Variants in ENPP3 observed in about 807,000 individuals in gnomAD.
ENPP3 encodes ectonucleotide pyrophosphatase/phosphodiesterase 3.
ENPP3 carries 104 observed loss-of-function variants against 117.8 expected under a neutral mutation model. The ratio of observed to expected loss-of-function variants is 0.88; its 90% CI spans 0.75 to 1.04. The LOEUF (loss-of-function observed/expected upper bound fraction) is 1.04, where lower values mean the gene tolerates loss of function less well. Among genes scored for constraint, ENPP3 ranks in the 50% least tolerant of loss-of-function variants. The pLI is 0.00. For missense variants in ENPP3, 1,026 were observed against 1,051.9 expected, an observed-to-expected ratio of 0.98 and a Z score of 0.34; for synonymous variants, 380 against 349.9, an observed-to-expected ratio of 1.09 and a Z score of -0.96.
rs902608692 is a variant in ENPP3, at chr6:131,677,949, T to C, written c.1011+9T>C. ...GACCAGTCAGTGCCAGAGTAAGTTGTTGTTTTCTTAAAAGAAAAAAAAAAA... is the reference window on the plus strand; with the variant it reads ...GACCAGTCAGTGCCAGAGTAAGTTGCTGTTTTCTTAAAAGAAAAAAAAAAA... On this transcript the variant is annotated intron_variant, in intron 11 of 24. Transcript: ENST00000357639. 52 of 1,580,894 alleles carry C rather than the reference T, an allele frequency of 3.3e-5. No individual in the cohort carries two copies. The highest frequency in any genetic ancestry group is 4.4e-5 in the Non-Finnish European group (51 of 1,155,814).
chr6:131,721,071 A>G (rs1166655700), intron 17 of ENPP3, among the ~76,000 whole-genome samples: 2 of 152,178 alleles, frequency 1.3e-5, no homozygotes, highest in South Asian at 2.1e-4. Flanking sequence ...AAAACATGGG[A>G]AAAAAGTCCT....
chr6:131,691,022 T>C (rs946821029), intron 14 of ENPP3, among the ~76,000 whole-genome samples: 8 of 152,038 alleles, frequency 5.3e-5, no homozygotes, highest in Admixed American at 1.3e-4. Context: ...TGCAAGGGGA[T>C]TGAGTATCAC....
intron 14 of ENPP3, among the ~76,000 whole-genome samples, chr6:131,689,073 G>A (rs1779222012): frequency 6.6e-6 from 1 of 151,972 alleles, no homozygotes; most frequent in Non-Finnish European, 1.5e-5. Flanking sequence ...TTAAAAGAGA[G>A]AGAGAGAAAA....
At chr6:131,719,470 T>C (rs937966715) in intron 16 of ENPP3, among the ~76,000 whole-genome samples, 3 of 151,978 alleles carry the variant, frequency 2.0e-5, no homozygotes, top group African/African-American at 7.2e-5. Flanking sequence ...TATGAATATG[T>C]TTCCTTTTAT....
chr6:131,714,825 G>A (rs3800197), intron 15 of ENPP3, among the ~76,000 whole-genome samples: 37,305 of 149,296 alleles, frequency 0.25, 7,805 homozygotes, highest in African/African-American at 0.56. Context: ...ATCTTGTTTC[G>A]GCAATTAAAC....
chr6:131,711,402 T>C (rs1387657838), intron 15 of ENPP3, among the ~76,000 whole-genome samples: 3 of 145,602 alleles, frequency 2.1e-5, no homozygotes, highest in Non-Finnish European at 2.9e-5. Context: ...TTTGGTAGTT[T>C]TCTTTGCTTT....
At chr6:131,646,723 G>A (rs1309528243) in intron 2 of ENPP3, among the ~76,000 whole-genome samples, 3 of 146,890 alleles carry the variant, frequency 2.0e-5, no homozygotes, top group Non-Finnish European at 3.0e-5. Flanking sequence ...CCCTTCTAGG[G>A]TCCTAGGGGA....
intron 15 of ENPP3, among the ~76,000 whole-genome samples, chr6:131,706,287 C>A (rs1488178540): frequency 7.4e-6 from 1 of 135,824 alleles, no homozygotes; most frequent in Non-Finnish European, 1.5e-5. Context: ...ACCTCAGCAT[C>A]CCAAAGTACT....
intron 5 of ENPP3, among the ~76,000 whole-genome samples, chr6:131,655,353 C>T (rs1778363659): frequency 6.6e-6 from 1 of 152,228 alleles, no homozygotes; most frequent in African/African-American, 2.4e-5. Flanking sequence ...GCTCTATTAT[C>T]TCCATCCTCA....
chr6:131,656,782 A>AT (rs1229485312), intron 5 of ENPP3, among the ~76,000 whole-genome samples: 12 of 151,776 alleles, frequency 7.9e-5, no homozygotes, highest in African/African-American at 2.4e-4. Context: ...AAAAAAAAAA[A>AT]GTTTGTTGTA....
intron 3 of ENPP3, 32 bp from the exon 4 acceptor site, chr6:131,652,510 A>G (rs1562429144): frequency 6.2e-7 from 1 of 1,610,214 alleles, no homozygotes; most frequent in East Asian, 2.2e-5. Flanking sequence ...TGCAGGCTTA[A>G]ATGCTCAGAA....
intron 6 of ENPP3, among the ~76,000 whole-genome samples, chr6:131,670,619 T>C (rs1026602273): frequency 6.6e-6 from 1 of 152,038 alleles, no homozygotes; most frequent in Admixed American, 6.5e-5. Context: ...GCCTCCCGAG[T>C]AGCTAGGACT....
Position 131,702,512 on chromosome 6 carries a change from G to A in ENPP3, c.1412+8888G>A, listed in dbSNP as rs544125332. ...TTGCACTGTGTCATTATCTAAACACGAAAACAGGATCAGTAACTTTTGTTG... is the reference window on the plus strand; with the variant it reads ...TTGCACTGTGTCATTATCTAAACACAAAAACAGGATCAGTAACTTTTGTTG... On this transcript the variant is annotated intron_variant, in intron 15 of 24. Transcript: ENST00000357639. Among the ~76,000 whole-genome samples the A allele has an allele frequency of 1.7e-4, 26 of 152,102 alleles. 1 individual carries two copies. In the South Asian group the frequency reaches 5.0e-3, roughly 29 times the overall value.
intron 6 of ENPP3, among the ~76,000 whole-genome samples, chr6:131,663,502 C>G (rs112482445): frequency 0.035 from 3,505 of 100,560 alleles, 141 homozygotes; most frequent in African/African-American, 0.13. Context: ...GCCTGAGCAA[C>G]AAAGTGAAAC....
chr6:131,683,908 G>A (rs111406096), intron 12 of ENPP3, among the ~76,000 whole-genome samples: 3,134 of 151,898 alleles, frequency 0.021, 101 homozygotes, highest in African/African-American at 0.073. Flanking sequence ...CCACCACCAC[G>A]CCTGGCTAAT....
At chr6:131,713,938 A>G (rs3852289) in intron 15 of ENPP3, among the ~76,000 whole-genome samples, 19,778 of 147,284 alleles carry the variant, frequency 0.13, 1,905 homozygotes, top group East Asian at 0.32. Flanking sequence ...ACACACCACT[A>G]TACCTGGCTT....
chr6:131,729,398 T>C (rs1018536954), intron 20 of ENPP3, among the ~76,000 whole-genome samples: 4 of 152,222 alleles, frequency 2.6e-5, no homozygotes, highest in Admixed American at 1.3e-4. Flanking sequence ...GTAACTTCAA[T>C]AGAAATAATT....
chr6:131,721,200 T>A (rs1052232016), intron 17 of ENPP3, among the ~76,000 whole-genome samples: 4 of 152,208 alleles, frequency 2.6e-5, no homozygotes, highest in Non-Finnish European at 5.9e-5. Context: ...TATTAACAAA[T>A]CATTTATTTA....
Position 131,669,442 on chromosome 6 carries a change from G to A in ENPP3, c.563-1806G>A, listed in dbSNP as rs1261233929. ...AATCCCAGCACTTTGGGAGGGTGAG[G>A]CAGGTGGATCACTTGAGGCAAGGAG... On this transcript the variant is annotated intron_variant, in intron 6 of 24. Coordinates refer to ENST00000357639, the MANE Select transcript of ENPP3 (RefSeq NM_005021.5). Among the ~76,000 whole-genome samples the A allele has an allele frequency of 2.0e-5, 3 of 151,848 alleles. No homozygotes were observed. The East Asian group carries it at 5.8e-4, about 29-fold the overall frequency.
Sources: gnomAD v4.1 joint callset for allele counts (sites outside exome capture counted in the v4.1 genomes callset) on GRCh38, gnomAD v4.1.1 for gene constraint, MANE v1.5 for transcripts, NCBI Gene and HGNC (gene_info 2026-07-23, HGNC 2026-07-21) for gene names.